The following CACNA2D3 variants were observed in gnomAD, a reference collection of about 807,000 sequenced individuals.
CACNA2D3 encodes calcium voltage-gated channel auxiliary subunit alpha2delta 3, also known as voltage-dependent calcium channel subunit alpha-2/delta-3.
CACNA2D3 carries 60 observed loss-of-function variants against 160.6 expected under a neutral mutation model. The ratio of observed to expected loss-of-function variants is 0.37; its 90% CI spans 0.30 to 0.46. CACNA2D3 has a LOEUF of 0.46. Ranked by LOEUF, CACNA2D3 falls within the 20% of genes least tolerant of loss-of-function variation. The pLI is 1.00. For synonymous variants in CACNA2D3, 558 were observed against 492.9 expected (o/e 1.13, Z -1.75); for missense variants, 1,205 against 1,365.0 (o/e 0.88, Z 1.85).
chr3:54,785,290 A>T (rs1702615243), intron 13 of CACNA2D3, among the ~76,000 whole-genome samples: 1 of 152,138 alleles, frequency 6.6e-6, no homozygotes, highest in Non-Finnish European at 1.5e-5. Context: ...CTCCTATGTT[A>T]TGTAACATCT....
intron 8 of CACNA2D3, among the ~76,000 whole-genome samples, chr3:54,579,716 G>A (rs1451675530): frequency 1.3e-5 from 2 of 152,182 alleles, no homozygotes; most frequent in African/African-American, 4.8e-5. Context: ...GCAACTTCCA[G>A]GGTCAGTCCA....
At chr3:54,914,145 T>A (rs752688908) in intron 27 of CACNA2D3, among the ~76,000 whole-genome samples, 1 of 152,184 alleles carries the variant, frequency 6.6e-6, no homozygotes, top group Non-Finnish European at 1.5e-5. Flanking sequence ...GCATGACTTG[T>A]GTAATGTTGC....
Position 54,820,928 on chromosome 3 carries a change from A to T in CACNA2D3, c.1398+4058A>T, listed in dbSNP as rs539723013. Among the ~76,000 whole-genome samples the T allele has an allele frequency of 1.2e-4, 18 of 152,310 alleles. 1 individual carries two copies. In the South Asian group the frequency reaches 3.7e-3, roughly 32 times the overall value. On this transcript the variant is annotated intron_variant, in intron 14 of 37. Transcript: ENST00000474759. ...CGTAGATTCTGTCTATAGGAGCTAAACATCAGTTATTCACTGCAGGATTAA... is the reference window on the plus strand; with the variant it reads ...CGTAGATTCTGTCTATAGGAGCTAATCATCAGTTATTCACTGCAGGATTAA...
At chr3:54,570,399 T>C (rs1702476809) in intron 8 of CACNA2D3, among the ~76,000 whole-genome samples, 1 of 152,152 alleles carries the variant, frequency 6.6e-6, no homozygotes, top group Non-Finnish European at 1.5e-5. Context: ...CATTTTCAGA[T>C]TCTTGGAAAA....
intron 15 of CACNA2D3, 52 bp from the exon 16 acceptor site, chr3:54,838,516 C>A: frequency 7.1e-7 from 1 of 1,416,648 alleles, no homozygotes; most frequent in South Asian, 1.1e-5. Context: ...GATTCTATTT[C>A]TTTTGCCAAG....
At chr3:54,507,493 T>C (rs940649952) in intron 5 of CACNA2D3, among the ~76,000 whole-genome samples, 1 of 152,216 alleles carries the variant, frequency 6.6e-6, no homozygotes, top group African/African-American at 2.4e-5. Context: ...GCCCATGCTC[T>C]TTACAGATGA....
chr3:54,339,224 C>A lies in CACNA2D3; in HGVS notation c.321+18666C>A, dbSNP rs143330546. 1.3e-3 allele frequency among the ~76,000 whole-genome samples: 203 copies of A among 152,314 alleles called. 2 individuals are homozygous for A. The highest frequency in any genetic ancestry group is 4.5e-3 in the African/African-American group (189 of 41,562). On this transcript the variant is annotated intron_variant, in intron 3 of 37. Transcript: ENST00000474759. ...TGAATGTGCCAACCTCTTCTCTCTT[C>A]TAGAGTGCCCTTGCATGCAGTGTTC...
chr3:54,696,560 G>T (rs1374054849), intron 11 of CACNA2D3, among the ~76,000 whole-genome samples: 1 of 152,112 alleles, frequency 6.6e-6, no homozygotes, highest in Non-Finnish European at 1.5e-5. Context: ...TGTGGTCAGG[G>T]AATGTGGTGG....
chr3:54,556,992 C>T (rs760405730), intron 5 of CACNA2D3, among the ~76,000 whole-genome samples: 6 of 151,758 alleles, frequency 4.0e-5, no homozygotes, highest in East Asian at 1.9e-4. Context: ...TTTTTTTTAA[C>T]GTAAATACTT....
At position 54,764,280 on chromosome 3, in the gene CACNA2D3, G is replaced by A. The variant is rs752111419; in HGVS notation, c.1309G>A (p.Val437Met). Residue 437 changes from valine (V) to methionine (M), a missense_variant, in exon 13 of 38, where the codon GTG becomes ATG. Val to Met is a conservative substitution (Grantham distance 21). Transcript: ENST00000474759. The part of the protein sequence containing the change: ...VQENVMEYLH[V>M]LSRPKVIDQE... The stretch of plus-strand genomic sequence containing the variant: ...GGAGAATGTCATGGAATACCTTCAC[G>A]TGCTTAGCCGGCCCAAAGTCATCGA... 17 of 1,613,788 alleles carry A rather than the reference G, an allele frequency of 1.1e-5. No individual in the cohort carries two copies. The highest frequency in any genetic ancestry group is 2.2e-5 in the South Asian group (2 of 91,072).
chr3:54,853,300 C>G (rs1699100009), intron 17 of CACNA2D3, among the ~76,000 whole-genome samples: 8 of 152,190 alleles, frequency 5.3e-5, no homozygotes, highest in Admixed American at 5.2e-4. Context: ...GAGTTTGCTA[C>G]TACACAGAGC....
chr3:54,480,038 C>T (rs142313579), intron 4 of CACNA2D3, among the ~76,000 whole-genome samples: 1 of 152,060 alleles, frequency 6.6e-6, no homozygotes, highest in East Asian at 1.9e-4. Context: ...ACTCCATGTG[C>T]CTGCACATGC....
At chr3:54,772,957 C>T (rs539842294) in intron 13 of CACNA2D3, among the ~76,000 whole-genome samples, 12 of 152,242 alleles carry the variant, frequency 7.9e-5, no homozygotes, top group South Asian at 2.1e-4. Flanking sequence ...CACAGTGACA[C>T]GCAGAAGGGA....
chr3:54,565,286 C>G (rs145382793), intron 6 of CACNA2D3, among the ~76,000 whole-genome samples: 1 of 152,118 alleles, frequency 6.6e-6, no homozygotes, highest in Non-Finnish European at 1.5e-5. Flanking sequence ...TGGTACAGTG[C>G]GTTTCATGCT....
intron 2 of CACNA2D3, among the ~76,000 whole-genome samples, chr3:54,301,804 T>C (rs1703482948): frequency 6.6e-6 from 1 of 152,142 alleles, no homozygotes; most frequent in African/African-American, 2.4e-5. Flanking sequence ...AGTAGATGAT[T>C]CCCTTGAAAC....
At chr3:54,634,013 TTATC>T (rs1473743823) in intron 10 of CACNA2D3, among the ~76,000 whole-genome samples, 3 of 152,174 alleles carry the variant, frequency 2.0e-5, no homozygotes, top group Admixed American at 6.5e-5. Flanking sequence ...ATTCATCCAT[TTATC>T]TATCTATGCA....
chr3:54,626,398 G>T, intron 9 of CACNA2D3: 1 of 1,573,984 alleles, frequency 6.4e-7, no homozygotes, highest in Non-Finnish European at 8.6e-7. Context: ...CCTGCGCAAG[G>T]CCAAGAAGGA....
At chr3:54,345,008 T>A (rs7627032) in intron 3 of CACNA2D3, among the ~76,000 whole-genome samples, 83,193 of 152,050 alleles carry the variant, frequency 0.55, 23,159 homozygotes, top group African/African-American at 0.64. Context: ...CAGTTTACAA[T>A]TGCCATGGCA....
intron 4 of CACNA2D3, among the ~76,000 whole-genome samples, chr3:54,445,441 T>A (rs550926200): frequency 6.6e-6 from 1 of 152,320 alleles, no homozygotes; most frequent in South Asian, 2.1e-4. Context: ...GCTGTATTAA[T>A]TCATAGATAA....
Sources: allele counts gnomAD v4.1 joint callset (sites outside exome capture counted in the v4.1 genomes callset), GRCh38; gene constraint gnomAD v4.1.1; transcripts MANE v1.5; gene names NCBI Gene and HGNC (gene_info 2026-07-23, HGNC 2026-07-21).